The following TULP3 variants were observed in gnomAD, a reference collection of about 807,000 sequenced individuals.
TULP3 encodes tubby-related protein 3.
A neutral mutation model predicts 50.7 loss-of-function variants in TULP3; 38 were observed. The observed-to-expected ratio is 0.75, with a 90% CI of 0.58 to 0.98. TULP3 has a LOEUF of 0.98. TULP3 is among the 50% of genes least tolerant of loss of function. The probability of loss-of-function intolerance (pLI) is 0.00; values close to 1 mark genes in which losing one functional copy is unlikely to be tolerated. For missense variants in TULP3, 550 were observed against 568.0 expected (o/e 0.97, Z 0.32); for synonymous variants, 183 against 196.6 (o/e 0.93, Z 0.58).
At chr12:2,897,961 C>G (rs1450332370) in intron 1 of TULP3, among the ~76,000 whole-genome samples, 2 of 150,882 alleles carry the variant, frequency 1.3e-5, no homozygotes, top group East Asian at 3.9e-4. Flanking sequence ...GCCTGTGATC[C>G]CAGCTACTTG....
chr12:2,931,826 C>T (rs758667918), intron 6 of TULP3, among the ~76,000 whole-genome samples: 10 of 152,038 alleles, frequency 6.6e-5, no homozygotes, highest in East Asian at 3.8e-4. Context: ...TGAGTGTTTA[C>T]GACAGACCAA....
Position 2,940,295 on chromosome 12 carries a change from T to C in TULP3, c.*851T>C. The stretch of plus-strand genomic sequence containing the variant: ...AACACTTTGTCATTATCAAGAGAGA[T>C]GGCAGTATTGACCATTTAGTTTAGT... On this transcript the variant is annotated 3_prime_UTR_variant, in exon 11 of 11. Coordinates refer to ENST00000448120, the MANE Select transcript of TULP3 (RefSeq NM_003324.5). The C allele has an allele frequency of 1.4e-6, 2 of 1,437,446 alleles. No homozygotes were observed. Among genetic ancestry groups the C allele is most frequent in the Admixed American group, 4.3e-5 (2 of 46,184 alleles). The allele number at this position is 1,437,446 out of a possible 1,614,324, so 89.0% of individuals were successfully genotyped here.
At chr12:2,930,388 C>T in intron 5 of TULP3, 43 bp downstream of exon 5, 1 of 1,240,530 alleles carries the variant, frequency 8.1e-7, no homozygotes, top group South Asian at 1.3e-5. Flanking sequence ...TAATTTGACT[C>T]TTTCTCAAAC....
chr12:2,936,333 T>C (rs183338327), intron 8 of TULP3, among the ~76,000 whole-genome samples: 196 of 152,274 alleles, frequency 1.3e-3, no homozygotes, highest in Non-Finnish European at 1.9e-3. Flanking sequence ...GCAGGCCTTA[T>C]TTAACCACAA....
chr12:2,895,215 C>G lies in TULP3; in HGVS notation c.41+4227C>G, dbSNP rs534626251. ...CATTCTTTGGGGCTATGGGAATGCTCAAATCAGCGGCCAGCCTTTGCTTCT... is the reference window on the plus strand; with the variant it reads ...CATTCTTTGGGGCTATGGGAATGCTGAAATCAGCGGCCAGCCTTTGCTTCT... On this transcript the variant is annotated intron_variant, in intron 1 of 10. Coordinates refer to ENST00000448120, the MANE Select transcript of TULP3 (RefSeq NM_003324.5). 7.2e-5 allele frequency among the ~76,000 whole-genome samples: 11 copies of G among 152,296 alleles called. 1 individual carries two copies. In the East Asian group the frequency reaches 2.1e-3, roughly 29 times the overall value.
chr12:2,937,791 G>C, intron 9 of TULP3, 62 bp downstream of exon 9: 5 of 1,029,268 alleles, frequency 4.9e-6, no homozygotes, highest in Non-Finnish European at 6.8e-6. Flanking sequence ...AATACACAGA[G>C]ATTAATACAA....
intron 8 of TULP3, among the ~76,000 whole-genome samples, chr12:2,936,116 A>G (rs2153950525): frequency 6.6e-6 from 1 of 152,134 alleles, no homozygotes; most frequent in South Asian, 2.1e-4. Context: ...AAAATACAAA[A>G]AAAATTAGCC....
chr12:2,927,406 G>A (rs1235680777), intron 4 of TULP3, among the ~76,000 whole-genome samples: 3 of 119,682 alleles, frequency 2.5e-5, no homozygotes, highest in Admixed American at 1.0e-4. Context: ...TTGCTCTGTC[G>A]CCCAGGCTAG....
intron 4 of TULP3, among the ~76,000 whole-genome samples, chr12:2,929,143 C>T (rs759673974): frequency 5.9e-5 from 9 of 151,868 alleles, no homozygotes; most frequent in Non-Finnish European, 1.3e-4. Flanking sequence ...ACGGTGAAAC[C>T]CCGTCTCTAC....
Position 2,908,346 on chromosome 12 carries a change from A to G in TULP3, c.42-1183A>G, listed in dbSNP as rs2300786. On this transcript the variant is annotated intron_variant, in intron 1 of 10. Coordinates refer to ENST00000448120, the MANE Select transcript of TULP3 (RefSeq NM_003324.5). ...ATTTATGCCTTATTTCATACTTCAC[A>G]CTTTCCAAGAATGCCGAGTCACAAA... Among the ~76,000 whole-genome samples the G allele has an allele frequency of 6.0e-4, 92 of 152,282 alleles. 1 individual carries two copies. The East Asian group carries it at 0.018, about 29-fold the overall frequency.
At chr12:2,891,132 A>AC in intron 1 of TULP3, 144 bp downstream of exon 1, 1 of 949,602 alleles carries the variant, frequency 1.1e-6, no homozygotes, top group Non-Finnish European at 1.4e-6. Flanking sequence ...CGGCGGCGGG[A>AC]GGCGACCCCC....
chr12:2,917,342 T>C (rs2098189180), intron 2 of TULP3, among the ~76,000 whole-genome samples: 1 of 151,714 alleles, frequency 6.6e-6, no homozygotes, highest in Non-Finnish European at 1.5e-5. Context: ...CATGGTGGGG[T>C]GCACCTGTAA....
At chr12:2,910,095 A>T (rs999420094) in intron 2 of TULP3, among the ~76,000 whole-genome samples, 3 of 152,148 alleles carry the variant, frequency 2.0e-5, no homozygotes, top group African/African-American at 7.2e-5. Flanking sequence ...GATCGAGACC[A>T]TCCTGACTAA....
chr12:2,937,684 T>A lies in TULP3; in HGVS notation c.978T>A (p.Pro326=). ...CTAGGAAAATGTCTGTGATCATTCC[T>A]GGAATGACACTGAATCATAAGCAGA... is the stretch of plus-strand genomic sequence containing the variant. ...KGPRKMSVII[P]GMTLNHKQIP... Residue 326 remains proline (P), a synonymous_variant, in exon 9 of 11, where the codon CCT becomes CCA. Transcript: ENST00000448120. 6.2e-7 allele frequency: 1 copy of A among 1,613,198 alleles called. No individual in the cohort carries two copies. Among genetic ancestry groups the A allele is most frequent in the Non-Finnish European group, 8.5e-7 (1 of 1,179,738 alleles).
chr12:2,931,531 A>C (rs1274649102), intron 6 of TULP3, among the ~76,000 whole-genome samples: 1 of 152,204 alleles, frequency 6.6e-6, no homozygotes, highest in East Asian at 1.9e-4. Flanking sequence ...TGAGTTTTTG[A>C]ATGTTACTGT....
chr12:2,925,054 G>A lies in TULP3; in HGVS notation c.394+2652G>A, dbSNP rs537615011. Among the ~76,000 whole-genome samples, 26 of 151,984 alleles carry A rather than the reference G, an allele frequency of 1.7e-4. No homozygotes were observed. The South Asian group carries it at 5.0e-3, about 29-fold the overall frequency. Reference sequence around the variant, plus strand: ...GTGGTGGCGGGCGCCTGTAGTCCCAGCTACTCGGGAGGTTGAGGCACGAGA... The same window carrying A: ...GTGGTGGCGGGCGCCTGTAGTCCCAACTACTCGGGAGGTTGAGGCACGAGA... On this transcript the variant is annotated intron_variant, in intron 4 of 10. Transcript: ENST00000448120.
intron 8 of TULP3, 127 bp from the exon 9 acceptor site, chr12:2,937,504 A>G: frequency 1.4e-6 from 1 of 731,926 alleles, no homozygotes; most frequent in Non-Finnish European, 2.4e-6. Flanking sequence ...GGCGTGATCC[A>G]CTGCCCCGGC....
chr12:2,916,726 T>C (rs2098188891), intron 2 of TULP3, among the ~76,000 whole-genome samples: 3 of 152,210 alleles, frequency 2.0e-5, no homozygotes, highest in Admixed American at 6.6e-5. Flanking sequence ...AAGTAGCACT[T>C]CTCTCCTCCC....
In TULP3 at chr12:2,922,418, G is replaced by C; in HGVS notation, c.394+16G>C. On this transcript the variant is annotated intron_variant, in intron 4 of 10. Coordinates refer to ENST00000448120, the MANE Select transcript of TULP3 (RefSeq NM_003324.5). ...CAAAAGCATGGTGAGGACTGGTAAT[G>C]ATTTTAAGGCAATTTGTCTCCTTAC... 2.5e-6 allele frequency: 4 copies of C among 1,600,582 alleles called. No individual in the cohort carries two copies. The highest frequency in any genetic ancestry group is 2.5e-6 in the Non-Finnish European group (3 of 1,176,726).
Sources: allele counts gnomAD v4.1 joint callset (sites outside exome capture counted in the v4.1 genomes callset), GRCh38; gene constraint gnomAD v4.1.1; transcripts MANE v1.5; gene names NCBI Gene and HGNC (gene_info 2026-07-23, HGNC 2026-07-21).